Variants in RBPJ observed in about 807,000 individuals in gnomAD.
RBPJ encodes recombining binding protein suppressor of hairless.
Under a neutral mutation model 67.8 loss-of-function variants are expected in RBPJ, and 9 were observed. The observed-to-expected ratio is 0.13, with a 90% CI of 0.08 to 0.23. The LOEUF (loss-of-function observed/expected upper bound fraction) is 0.23, where lower values mean the gene tolerates loss of function less well. RBPJ is among the 10% of genes least tolerant of loss of function. The pLI, the probability that RBPJ is intolerant of heterozygous loss-of-function variation, is 1.00. For missense variants in RBPJ, 305 were observed against 595.6 expected (o/e 0.51, Z 5.08); for synonymous variants, 198 against 203.3 (o/e 0.97, Z 0.22).
intron 1 of RBPJ, among the ~76,000 whole-genome samples, chr4:26,242,766 G>A (rs1719691890): frequency 6.8e-6 from 1 of 147,808 alleles, no homozygotes; most frequent in African/African-American, 2.5e-5. Flanking sequence ...CTTGATTGAA[G>A]TGGTAAAAAT....
intron 1 of RBPJ, among the ~76,000 whole-genome samples, chr4:26,295,419 G>A (rs1721838761): frequency 6.6e-6 from 1 of 152,168 alleles, no homozygotes; most frequent in African/African-American, 2.4e-5. Context: ...AGTAGTAGTA[G>A]TAGTGGACAT....
At chr4:26,128,465 T>C in the RBPJ span, among the ~76,000 whole-genome samples, 2 of 152,158 alleles carry the variant, frequency 1.3e-5, no homozygotes, top group African/African-American at 4.8e-5. Flanking sequence ...TATATAGCCA[T>C]CACAAAAACC....
intron 1 of RBPJ, among the ~76,000 whole-genome samples, chr4:26,324,343 A>G (rs1723396626): frequency 6.6e-6 from 1 of 152,052 alleles, no homozygotes; most frequent in African/African-American, 2.4e-5. Flanking sequence ...CCTGCCCCCC[A>G]TAAACTTATA....
chr4:26,279,919 C>G (rs867561076), intron 1 of RBPJ, among the ~76,000 whole-genome samples: 1 of 151,530 alleles, frequency 6.6e-6, no homozygotes, highest in South Asian at 2.1e-4. Context: ...TCCCAAGTAG[C>G]TGGGACCACA....
At chr4:26,190,359 G>T (rs150713263) in intron 1 of RBPJ, among the ~76,000 whole-genome samples, 1 of 152,308 alleles carries the variant, frequency 6.6e-6, no homozygotes, top group East Asian at 1.9e-4. Context: ...GAGGGGGAAA[G>T]GCAGGTCCTA....
At chr4:26,108,233 CA>C in the RBPJ span, among the ~76,000 whole-genome samples, 1 of 152,102 alleles carries the variant, frequency 6.6e-6, no homozygotes, top group Admixed American at 6.5e-5. Context: ...GAATGGCATC[CA>C]GGGCTCAGAC....
chr4:26,376,924 A>G (rs1484153457), intron 1 of RBPJ, among the ~76,000 whole-genome samples: 1 of 152,194 alleles, frequency 6.6e-6, no homozygotes, highest in Admixed American at 6.5e-5. Flanking sequence ...CTTATTGGCC[A>G]CTTGTGTATC....
In RBPJ at chr4:26,244,354, T is replaced by TGTATACAC. The variant is rs1560226339; in HGVS notation, c.-167+80740_-167+80741insGTATACAC. ...ATATGTGTACACATATGTGTGTATA[T>TGTATACAC]ATATGTATGCACATATGTGTACACG... is the stretch of plus-strand genomic sequence containing the variant. On this transcript the variant is annotated intron_variant, in intron 1 of 4. Transcript: ENST00000512351. Among the ~76,000 whole-genome samples the TGTATACAC allele has an allele frequency of 6.8e-4, 69 of 101,886 alleles. 3 individuals are homozygous for TGTATACAC. Among genetic ancestry groups the TGTATACAC allele is most frequent in the South Asian group, 2.0e-3 (6 of 2,940 alleles). 66.8% of individuals were successfully genotyped at this position (101,886 alleles called of 152,430 possible).
chr4:26,199,475 CAT>C (rs1225579583), intron 1 of RBPJ, among the ~76,000 whole-genome samples: 2 of 152,188 alleles, frequency 1.3e-5, no homozygotes, highest in African/African-American at 4.8e-5. Flanking sequence ...AATACACACA[CAT>C]GTCAGAAACA....
chr4:26,322,661 TTA>T (rs753718347), intron 1 of RBPJ, among the ~76,000 whole-genome samples: 19 of 115,806 alleles, frequency 1.6e-4, no homozygotes, highest in South Asian at 5.5e-4. Context: ...AATATGTATA[TTA>T]TATATATATA....
At chr4:26,304,091 C>T (rs1722160381) in intron 1 of RBPJ, among the ~76,000 whole-genome samples, 1 of 152,204 alleles carries the variant, frequency 6.6e-6, no homozygotes, top group African/African-American at 2.4e-5. Context: ...TTTGCCTTTT[C>T]TGGACATTCT....
At chr4:26,386,515 C>T (rs747633275) in intron 2 of RBPJ, 124 bp downstream of exon 2, 4 of 618,624 alleles carry the variant, frequency 6.5e-6, no homozygotes, top group Non-Finnish European at 1.1e-5. Context: ...AGAGCATAAA[C>T]TTATTCTCAA....
At chr4:26,242,624 T>A (rs1353733342) in intron 1 of RBPJ, among the ~76,000 whole-genome samples, 1 of 145,450 alleles carries the variant, frequency 6.9e-6, no homozygotes, top group East Asian at 2.0e-4. Context: ...TAATGGTGGA[T>A]AAAGTTGCTG....
chr4:26,356,607 T>G (rs1727406270), intron 1 of RBPJ, among the ~76,000 whole-genome samples: 1 of 152,250 alleles, frequency 6.6e-6, no homozygotes, highest in South Asian at 2.1e-4. Context: ...TAATTCTTCT[T>G]TAGTTCTTTT....
At position 26,223,589 on chromosome 4, in the gene RBPJ, G is replaced by A. The variant is rs1281309991; in HGVS notation, c.-167+59975G>A. On this transcript the variant is annotated intron_variant, in intron 1 of 4. Transcript: ENST00000512351. ...AGAAGAGTGAAGATTCAGAGAGGCT[G>A]GAGTGAGCTAAGAGAGGAGCCAGTG... 2.0e-5 allele frequency among the ~76,000 whole-genome samples: 3 copies of A among 152,378 alleles called. No homozygotes were observed. The East Asian group carries it at 5.8e-4, about 29-fold the overall frequency.
intron 1 of RBPJ, among the ~76,000 whole-genome samples, chr4:26,342,265 CAAAAAAAA>C (rs60781954): frequency 7.9e-5 from 9 of 114,120 alleles, no homozygotes; most frequent in African/African-American, 3.2e-4. Flanking sequence ...CCTGGGTTAT[CAAAAAAAA>C]AAAAAAAAAA....
chr4:26,139,302 G>A, the RBPJ span, among the ~76,000 whole-genome samples: 1 of 152,230 alleles, frequency 6.6e-6, no homozygotes, highest in African/African-American at 2.4e-5. Flanking sequence ...GTAGTGCCCA[G>A]CCCATTGTTG....
chr4:26,341,178 A>C (rs1226746713), intron 1 of RBPJ, among the ~76,000 whole-genome samples: 1 of 152,214 alleles, frequency 6.6e-6, no homozygotes, highest in Non-Finnish European at 1.5e-5. Context: ...ATGTGGTGAA[A>C]TGAGAAAACA....
the RBPJ span, among the ~76,000 whole-genome samples, chr4:26,109,485 TATATATACACACACAC>T: frequency 1.8e-4 from 11 of 61,996 alleles, no homozygotes; most frequent in South Asian, 5.6e-4. Context: ...TATATATATA[TATATATACACACACAC>T]ATATATATAT....
Sources: allele counts gnomAD v4.1 joint callset (sites outside exome capture counted in the v4.1 genomes callset), GRCh38; gene constraint gnomAD v4.1.1; transcripts MANE v1.5; gene names NCBI Gene and HGNC (gene_info 2026-07-23, HGNC 2026-07-21).